Variants in DDX39A observed in about 807,000 individuals in gnomAD.
DDX39A encodes ATP-dependent RNA helicase DDX39A.
A neutral mutation model predicts 46.3 loss-of-function variants in DDX39A; 13 were observed. The ratio of observed to expected loss-of-function variants is 0.28; its 90% CI spans 0.18 to 0.45. The LOEUF (loss-of-function observed/expected upper bound fraction) is 0.45, where lower values mean the gene tolerates loss of function less well. Ranked by LOEUF, DDX39A falls within the 20% of genes least tolerant of loss-of-function variation. DDX39A has a pLI of 1.00. For missense variants in DDX39A, 352 were observed against 581.8 expected (o/e 0.61, Z 4.06); for synonymous variants, 234 against 224.6 (o/e 1.04, Z -0.38).
intron 1 of DDX39A, chr19:14,418,985 G>A (rs1179132191): frequency 6.6e-6 from 3 of 456,180 alleles, no homozygotes; most frequent in Non-Finnish European, 1.3e-5. Context: ...CGGACGAACT[G>A]ACAGACTCCA....
In DDX39A at chr19:14,411,217, A is replaced by G; in HGVS notation, c.430-45T>C. On this transcript the variant is annotated intron_variant, in intron 4 of 10. Transcript: ENST00000242776. This position sits in a 1 kb window ranked among gnomAD's most constrained non-coding sequence, Gnocchi z 4.1. ...ACCGCTCCATGCTGATACACGGCCC[A>G]AGGCCCCAACCTGCACGGCCCAGCA... 6.5e-7 allele frequency: 1 copy of G among 1,531,496 alleles called. No individual in the cohort carries two copies. Among genetic ancestry groups the G allele is most frequent in the Non-Finnish European group, 8.8e-7 (1 of 1,139,544 alleles). 94.9% of individuals were successfully genotyped at this position (1,531,496 alleles called of 1,614,324 possible).
intron 1 of DDX39A, among the ~76,000 whole-genome samples, chr19:14,417,028 G>C (rs1245415105): frequency 6.6e-6 from 1 of 152,152 alleles, no homozygotes; most frequent in Admixed American, 6.5e-5. Flanking sequence ...CTGCTAATTA[G>C]ATTGGAGCTG....
chr19:14,412,483 C>T lies in DDX39A; in HGVS notation c.336+68G>A. 1 of 1,555,606 alleles carries T rather than the reference C, an allele frequency of 6.4e-7. No homozygotes were observed. Among genetic ancestry groups the T allele is most frequent in the Non-Finnish European group, 8.7e-7 (1 of 1,155,502 alleles). ...CACTGGGCTAACAGGTGTGAGCCAC[C>T]CCATCCAGCCTACTCTACTTCCGCC... On this transcript the variant is annotated intron_variant, in intron 3 of 10. Coordinates refer to ENST00000242776, the MANE Select transcript of DDX39A (RefSeq NM_005804.4). This position sits in a 1 kb window ranked among gnomAD's most constrained non-coding sequence, Gnocchi z 4.4.
In DDX39A at chr19:14,411,212, G is replaced by T; in HGVS notation, c.430-40C>A. 7 of 1,532,002 alleles carry T rather than the reference G, an allele frequency of 4.6e-6. No homozygotes were observed. The highest frequency in any genetic ancestry group is 6.1e-6 in the Non-Finnish European group (7 of 1,139,680). The allele number at this position is 1,532,002 out of a possible 1,614,324, so 94.9% of individuals were successfully genotyped here. A position where few individuals can be genotyped will look rare whatever the true frequency, so the allele number is the denominator to read the frequency against. On this transcript the variant is annotated intron_variant, in intron 4 of 10. Coordinates refer to ENST00000242776, the MANE Select transcript of DDX39A (RefSeq NM_005804.4). This position sits in a 1 kb window ranked among gnomAD's most constrained non-coding sequence, Gnocchi z 4.1. ...AGGAAACCGCTCCATGCTGATACAC[G>T]GCCCAAGGCCCCAACCTGCACGGCC...
rs923033055 is a variant in DDX39A at position 14,416,676 on chromosome 19, G to C, written c.-5+2594C>G. Among the ~76,000 whole-genome samples the C allele has an allele frequency of 5.3e-5, 8 of 152,226 alleles. No individual in the cohort carries two copies. The South Asian group carries it at 1.2e-3, about 24-fold the overall frequency. On this transcript the variant is annotated intron_variant, in intron 1 of 10. Transcript: ENST00000242776. ...AGAGCTGGTCAGCCACACAGGGCATGTGTTTGTTTGTTTGTTTTTTTGTTT... is the reference window on the plus strand; with the variant it reads ...AGAGCTGGTCAGCCACACAGGGCATCTGTTTGTTTGTTTGTTTTTTTGTTT...
In DDX39A at chr19:14,412,421, T is replaced by G. The variant is rs746731072; in HGVS notation, c.336+130A>C. 4.2e-5 allele frequency: 56 copies of G among 1,330,900 alleles called. No homozygotes were observed. In the Middle Eastern group the frequency reaches 1.1e-3, roughly 26 times the overall value. 82.4% of individuals were successfully genotyped at this position (1,330,900 alleles called of 1,614,324 possible). A position where few individuals can be genotyped will look rare whatever the true frequency, so the allele number is the denominator to read the frequency against. On this transcript the variant is annotated intron_variant, in intron 3 of 10. Transcript: ENST00000242776. This position sits in a 1 kb window ranked among gnomAD's most constrained non-coding sequence, Gnocchi z 4.4. Reference sequence around the variant, plus strand: ...ATAGCACACTGCAGCCTCGACTTCCTGGGCTCAAGCAATCCTCCAGCCTCA... The same window carrying G: ...ATAGCACACTGCAGCCTCGACTTCCGGGGCTCAAGCAATCCTCCAGCCTCA...
At chr19:14,416,333 G>C (rs943126248) in intron 1 of DDX39A, 1 of 152,170 alleles carries the variant, frequency 6.6e-6, no homozygotes, top group African/African-American at 2.4e-5. Context: ...ACTTCTTTTG[G>C]GCCTCCTTTG....
At chr19:14,418,176 C>T (rs1239651309) in intron 1 of DDX39A, among the ~76,000 whole-genome samples, 2 of 145,578 alleles carry the variant, frequency 1.4e-5, no homozygotes, top group African/African-American at 5.2e-5. Context: ...TTGGGGTGAA[C>T]CGAATCTGCT....
At position 14,414,328 on chromosome 19, in the gene DDX39A, A is replaced by ATTATTT. The variant is rs1306243226; in HGVS notation, c.-4-1105_-4-1104insAAATAA. Among the ~76,000 whole-genome samples, 4 of 25,104 alleles carry ATTATTT rather than the reference A, an allele frequency of 1.6e-4. No individual in the cohort carries two copies. In the East Asian group the frequency reaches 4.9e-3, roughly 31 times the overall value. The allele number at this position is 25,104 out of a possible 152,430, so 16.5% of individuals were successfully genotyped here. A position where few individuals can be genotyped will look rare whatever the true frequency, so the allele number is the denominator to read the frequency against. ...GCCCCAAGCTGCTATCACCTGTTTTATTATTATTATTATTATTATTATTAT... is the reference window on the plus strand; with the variant it reads ...GCCCCAAGCTGCTATCACCTGTTTTATTATTTTTATTATTATTATTATTATTATTAT... On this transcript the variant is annotated intron_variant, in intron 1 of 10. Transcript: ENST00000242776.
chr19:14,415,312 C>A (rs577295799), intron 1 of DDX39A, among the ~76,000 whole-genome samples: 102 of 151,824 alleles, frequency 6.7e-4, no homozygotes, highest in Middle Eastern at 3.4e-3. Context: ...TTTTTCCCCC[C>A]TCTTTGAGAC....
At chr19:14,415,787 C>G (rs1313167891) in intron 1 of DDX39A, among the ~76,000 whole-genome samples, 1 of 151,744 alleles carries the variant, frequency 6.6e-6, no homozygotes, top group Admixed American at 6.6e-5. Flanking sequence ...CAAACTAAGT[C>G]ACGGCCAGGC....
Position 14,412,488 on chromosome 19 carries a change from C to A in DDX39A, c.336+63G>T. ...GGCTAACAGGTGTGAGCCACCCCAT[C>A]CAGCCTACTCTACTTCCGCCGCCAC... On this transcript the variant is annotated intron_variant, in intron 3 of 10. Transcript: ENST00000242776. This position sits in a 1 kb window ranked among gnomAD's most constrained non-coding sequence, Gnocchi z 4.4. 1 of 1,564,046 alleles carries A rather than the reference C, an allele frequency of 6.4e-7. No homozygotes were observed. Among genetic ancestry groups the A allele is most frequent in the Admixed American group, 1.7e-5 (1 of 57,230 alleles).
chr19:14,412,855 G>A lies in DDX39A; in HGVS notation c.208+158C>T, dbSNP rs980556749. The A allele has an allele frequency of 3.1e-5, 39 of 1,248,766 alleles. No individual in the cohort carries two copies. Among genetic ancestry groups the A allele is most frequent in the South Asian group, 3.1e-4 (21 of 67,816 alleles). The allele number at this position is 1,248,766 out of a possible 1,614,324, so 77.4% of individuals were successfully genotyped here. On this transcript the variant is annotated intron_variant, in intron 2 of 10. Coordinates refer to ENST00000242776, the MANE Select transcript of DDX39A (RefSeq NM_005804.4). This position sits in a 1 kb window ranked among gnomAD's most constrained non-coding sequence, Gnocchi z 4.4. ...GGTCAAAGCAGAACGCCCCACTGCCGAGGGCAGCCACAGGCCCCGCTGGGC... is the reference window on the plus strand; with the variant it reads ...GGTCAAAGCAGAACGCCCCACTGCCAAGGGCAGCCACAGGCCCCGCTGGGC...
At position 14,418,120 on chromosome 19, in the gene DDX39A, C is replaced by CAAA. The variant is rs60701169; in HGVS notation, c.-5+1147_-5+1149dup. 5.1e-3 allele frequency among the ~76,000 whole-genome samples: 267 copies of CAAA among 52,294 alleles called. 13 individuals are homozygous for CAAA. The highest frequency in any genetic ancestry group is 0.013 in the African/African-American group (209 of 15,710). The allele number at this position is 52,294 out of a possible 152,430, so 34.3% of individuals were successfully genotyped here. ...TGGGCGACAGAGCAAGGCTCTGTCTCAAAAAAAAAAAAAAAAAAAAAAAAA... is the reference window on the plus strand; with the variant it reads ...TGGGCGACAGAGCAAGGCTCTGTCTCAAAAAAAAAAAAAAAAAAAAAAAAAAAA... On this transcript the variant is annotated intron_variant, in intron 1 of 10. Transcript: ENST00000242776.
chr19:14,411,648 C>T lies in DDX39A; in HGVS notation c.337-50G>A. 1 of 1,548,296 alleles carries T rather than the reference C, an allele frequency of 6.5e-7. No individual in the cohort carries two copies. The highest frequency in any genetic ancestry group is 1.1e-5 in the South Asian group (1 of 89,060). ...CCTTACCTTAGGCAGTGTCCTAAAC[C>T]CCTTCCCCACCAGAGTCCACCCAAC... On this transcript the variant is annotated intron_variant, in intron 3 of 10. Coordinates refer to ENST00000242776, the MANE Select transcript of DDX39A (RefSeq NM_005804.4). The surrounding 1 kb of genome is among the most constrained non-coding windows in gnomAD (Gnocchi z 4.1).
Position 14,412,806 on chromosome 19 carries a change from C to G in DDX39A, c.209-128G>C. On this transcript the variant is annotated intron_variant, in intron 2 of 10. Coordinates refer to ENST00000242776, the MANE Select transcript of DDX39A (RefSeq NM_005804.4). This position sits in a 1 kb window ranked among gnomAD's most constrained non-coding sequence, Gnocchi z 4.4. ...CCGAGTCCGGACAAGGCCACAGACA[C>G]CTGCAGGGCTGGGGTATCCGCCTGG... 7.3e-7 allele frequency: 1 copy of G among 1,373,086 alleles called. No individual in the cohort carries two copies. The highest frequency in any genetic ancestry group is 1.4e-5 in the South Asian group (1 of 72,604). The allele number at this position is 1,373,086 out of a possible 1,614,324, so 85.1% of individuals were successfully genotyped here. A position where few individuals can be genotyped will look rare whatever the true frequency, so the allele number is the denominator to read the frequency against.
intron 1 of DDX39A, 184 bp downstream of exon 1, chr19:14,419,086 C>T: frequency 2.3e-6 from 1 of 426,786 alleles, no homozygotes; most frequent in Non-Finnish European, 4.7e-6. Context: ...TGGCCCACCC[C>T]TAGCGCATGC....
intron 1 of DDX39A, among the ~76,000 whole-genome samples, chr19:14,413,730 C>G (rs1976687202): frequency 3.9e-5 from 6 of 152,198 alleles, no homozygotes; most frequent in Admixed American, 3.9e-4. Flanking sequence ...CCCTATCACT[C>G]CCCAAGGAAC....
At position 14,408,837 on chromosome 19, in the gene DDX39A, A is replaced by AT; in HGVS notation, c.*98dup. 1 of 1,479,874 alleles carries AT rather than the reference A, an allele frequency of 6.8e-7. No individual in the cohort carries two copies. Among genetic ancestry groups the AT allele is most frequent in the South Asian group, 1.4e-5 (1 of 73,018 alleles). The allele number at this position is 1,479,874 out of a possible 1,614,324, so 91.7% of individuals were successfully genotyped here. On this transcript the variant is annotated 3_prime_UTR_variant, in exon 11 of 11. Transcript: ENST00000242776. ...GCCAGGCTTCCATAATAACAAGTTT[A>AT]TTCTCATACAATCTCTAGCTTCTCA...
Sources: allele counts gnomAD v4.1 joint callset (sites outside exome capture counted in the v4.1 genomes callset), GRCh38; gene constraint gnomAD v4.1.1; non-coding constraint Gnocchi (gnomAD v3.1); transcripts MANE v1.5; gene names NCBI Gene and HGNC (gene_info 2026-07-23, HGNC 2026-07-21).